Variants in SAMMSON observed in about 807,000 individuals in gnomAD.
SAMMSON encodes the protein survival associated mitochondrial melanoma specific oncogenic non-coding RNA, also known as long intergenic non-protein coding RNA 1212.
In SAMMSON at chr3:70,426,759, A is replaced by T. The variant is rs73837928; in HGVS notation, n.234-35801A>T. On this transcript the variant is annotated intron_variant and non_coding_transcript_variant, in intron 2 of 3. Transcript: ENST00000641053. Reference sequence around the variant, plus strand: ...TTTTTGTATGCTCTGAACAACATAGATCCCTTGTCTAGGATTATTGACATC... The same window carrying T: ...TTTTTGTATGCTCTGAACAACATAGTTCCCTTGTCTAGGATTATTGACATC... 5.1e-3 allele frequency among the ~76,000 whole-genome samples: 775 copies of T among 152,318 alleles called. 8 individuals carry two copies. The highest frequency in any genetic ancestry group is 0.018 in the African/African-American group (746 of 41,566).
intron 9 of SAMMSON, among the ~76,000 whole-genome samples, chr3:70,362,853 G>A (rs1178608760): frequency 7.2e-6 from 1 of 139,434 alleles, no homozygotes; most frequent in Admixed American, 7.4e-5. Flanking sequence ...CAAGTGTTAT[G>A]TATGGGTTTC....
At chr3:70,427,663 G>T (rs569608535) in intron 2 of SAMMSON, among the ~76,000 whole-genome samples, 2 of 151,758 alleles carry the variant, frequency 1.3e-5, no homozygotes, top group African/African-American at 4.8e-5. Flanking sequence ...GCATGAACCC[G>T]GGAGGCGGAG....
rs188409476 is a variant in SAMMSON at position 70,232,860 on chromosome 3, C to A, written n.508-16247C>A. Among the ~76,000 whole-genome samples the A allele has an allele frequency of 3.8e-3, 582 of 152,202 alleles. 4 individuals carry two copies. The highest frequency in any genetic ancestry group is 0.014 in the African/African-American group (563 of 41,546). On this transcript the variant is annotated intron_variant and non_coding_transcript_variant, in intron 4 of 9. Transcript: ENST00000642114. ...TTTGTACAGAAAGAAGGAAAAAAAT[C>A]TTGCCATTTCTAAAATCATAAGTGC...
rs537525955 is a variant in SAMMSON, at chr3:70,417,698, G to A, written n.234-44862G>A. ...GCTTATTTTTTTTTGTGGTCCCAAA[G>A]ACCCAGTAACTCAAGGTCTTCATGA... On this transcript the variant is annotated intron_variant and non_coding_transcript_variant, in intron 2 of 3. Coordinates refer to the SAMMSON transcript ENST00000641053. 1.2e-4 allele frequency among the ~76,000 whole-genome samples: 19 copies of A among 152,024 alleles called. No individual in the cohort carries two copies. The East Asian group carries it at 3.7e-3, about 30-fold the overall frequency.
At chr3:70,105,710 A>G (rs2067364493) in intron 4 of SAMMSON, among the ~76,000 whole-genome samples, 1 of 152,322 alleles carries the variant, frequency 6.6e-6, no homozygotes, top group East Asian at 1.9e-4. Flanking sequence ...TTAGCTATTT[A>G]TGTGTCAGAA....
At chr3:70,056,756 G>C (rs1218312975) in intron 3 of SAMMSON, among the ~76,000 whole-genome samples, 2 of 151,926 alleles carry the variant, frequency 1.3e-5, no homozygotes, top group East Asian at 3.9e-4. Context: ...TCTTACTCAT[G>C]CTACAAGATA....
intron 4 of SAMMSON, among the ~76,000 whole-genome samples, chr3:70,097,811 G>A (rs1392118779): frequency 6.6e-6 from 1 of 152,040 alleles, no homozygotes; most frequent in East Asian, 1.9e-4. Context: ...ACCCAGAACC[G>A]GGAGATAAGG....
chr3:70,024,383 G>T (rs1444447134), intron 3 of SAMMSON, among the ~76,000 whole-genome samples: 1 of 152,148 alleles, frequency 6.6e-6, no homozygotes, highest in Non-Finnish European at 1.5e-5. Context: ...GATTGGAATA[G>T]AAACTAGTAG....
intron 4 of SAMMSON, among the ~76,000 whole-genome samples, chr3:70,158,838 A>G (rs1377724191): frequency 6.6e-6 from 1 of 152,084 alleles, no homozygotes; most frequent in African/African-American, 2.4e-5. Context: ...TAGGGGACCA[A>G]ATTTATACTT....
intron 4 of SAMMSON, among the ~76,000 whole-genome samples, chr3:70,244,961 A>T (rs1227654746): frequency 6.6e-6 from 1 of 152,122 alleles, no homozygotes; most frequent in Admixed American, 6.6e-5. Flanking sequence ...TATATATAAA[A>T]ATCATACTAC....
intron 9 of SAMMSON, among the ~76,000 whole-genome samples, chr3:70,382,587 T>G (rs1488880518): frequency 6.6e-6 from 1 of 152,094 alleles, no homozygotes; most frequent in East Asian, 1.9e-4. Flanking sequence ...TGGCTCTCCC[T>G]GGATGGCTCT....
At chr3:70,089,244 A>G (rs1335240103) in intron 4 of SAMMSON, among the ~76,000 whole-genome samples, 1 of 152,184 alleles carries the variant, frequency 6.6e-6, no homozygotes, top group Non-Finnish European at 1.5e-5. Flanking sequence ...GCTAATACAT[A>G]TATACTGAAA....
At chr3:70,424,228 T>A (rs1033242066) in intron 2 of SAMMSON, among the ~76,000 whole-genome samples, 1 of 152,190 alleles carries the variant, frequency 6.6e-6, no homozygotes, top group Non-Finnish European at 1.5e-5. Context: ...ACTTCTTGAT[T>A]CATATTAATT....
At chr3:70,418,686 T>A (rs2106772687) in intron 2 of SAMMSON, among the ~76,000 whole-genome samples, 1 of 152,252 alleles carries the variant, frequency 6.6e-6, no homozygotes, top group South Asian at 2.1e-4. Flanking sequence ...CACTCCTCCT[T>A]TTAGGGTTTT....
intron 9 of SAMMSON, among the ~76,000 whole-genome samples, chr3:70,384,681 A>T (rs1703105908): frequency 6.6e-6 from 1 of 152,110 alleles, no homozygotes; most frequent in African/African-American, 2.4e-5. Context: ...GCTCATCAAT[A>T]GGTCAGATGC....
chr3:70,254,301 A>C (rs1192565094), intron 6 of SAMMSON, among the ~76,000 whole-genome samples: 1 of 152,110 alleles, frequency 6.6e-6, no homozygotes, highest in Non-Finnish European at 1.5e-5. Flanking sequence ...TCTTTTTTCA[A>C]AAAATCTCAA....
intron 7 of SAMMSON, among the ~76,000 whole-genome samples, chr3:70,346,580 G>A (rs1702752288): frequency 6.6e-6 from 1 of 151,968 alleles, no homozygotes; most frequent in South Asian, 2.1e-4. Flanking sequence ...TATCCTAAAT[G>A]TTTACTTAAG....
intron 2 of SAMMSON, among the ~76,000 whole-genome samples, chr3:70,396,936 T>C (rs1037412135): frequency 6.6e-6 from 1 of 152,214 alleles, no homozygotes; most frequent in Non-Finnish European, 1.5e-5. Flanking sequence ...ATTTTACTAC[T>C]TGTTTATCTT....
At chr3:70,317,220 A>G (rs9876214) in intron 7 of SAMMSON, among the ~76,000 whole-genome samples, 15,301 of 152,042 alleles carry the variant, frequency 0.1, 1,031 homozygotes, top group East Asian at 0.37. Flanking sequence ...ACAGGCTTAC[A>G]GGCATATCTT....
Sources: allele counts gnomAD v4.1 joint callset (sites outside exome capture counted in the v4.1 genomes callset), GRCh38; gene constraint gnomAD v4.1.1; transcripts MANE v1.5; gene names NCBI Gene and HGNC (gene_info 2026-07-23, HGNC 2026-07-21).